Variants in RTN4 observed in about 807,000 individuals in gnomAD.
RTN4 encodes reticulon 4, also known as reticulon-4.
Under a neutral mutation model 90.4 loss-of-function variants are expected in RTN4, and 32 were observed. The ratio of observed to expected loss-of-function variants is 0.35; its 90% CI spans 0.27 to 0.48. RTN4 has a LOEUF of 0.48. Ranked by LOEUF, RTN4 falls within the 20% of genes least tolerant of loss-of-function variation. The pLI, the probability that RTN4 is intolerant of heterozygous loss-of-function variation, is 0.99. For synonymous variants in RTN4, 629 were observed against 552.5 expected, an observed-to-expected ratio of 1.14 and a Z score of -1.94; for missense variants, 1,706 against 1,430.2, an observed-to-expected ratio of 1.19 and a Z score of -3.11.
At position 55,089,562 on chromosome 2, in the gene RTN4, T is replaced by C. The variant is rs150595519; in HGVS notation, c.-213-8923A>G. 2.2e-4 allele frequency among the ~76,000 whole-genome samples: 33 copies of C among 152,364 alleles called. No homozygotes were observed. The East Asian group carries it at 6.4e-3, about 29-fold the overall frequency. ...AATTACGGAAAAATCTGTCTCCTTG[T>C]CTGGATGTACTTAAAATTCAGCGTT... On this transcript the variant is annotated intron_variant, in intron 1 of 3. Coordinates refer to the RTN4 transcript ENST00000427710.
chr2:55,073,539 T>C (rs1045440841), intron 2 of RTN4, among the ~76,000 whole-genome samples: 2 of 152,214 alleles, frequency 1.3e-5, no homozygotes, highest in African/African-American at 2.4e-5. Context: ...CCCAGTATCT[T>C]TGGGAAGCAA....
At chr2:55,004,242 A>G (rs575014839) in intron 3 of RTN4, among the ~76,000 whole-genome samples, 4 of 152,350 alleles carry the variant, frequency 2.6e-5, no homozygotes, top group Admixed American at 6.5e-5. Context: ...ACGACATTCA[A>G]TAACATGCCA....
intron 2 of RTN4, among the ~76,000 whole-genome samples, chr2:55,058,829 G>A (rs1271349443): frequency 6.6e-6 from 1 of 151,950 alleles, no homozygotes; most frequent in Non-Finnish European, 1.5e-5. Context: ...AGTCAAAAAT[G>A]CAATTCTGGT....
chr2:55,048,292 T>A (rs1383226288), intron 1 of RTN4, among the ~76,000 whole-genome samples: 1 of 152,254 alleles, frequency 6.6e-6, no homozygotes, highest in African/African-American at 2.4e-5. Flanking sequence ...CATGTACTAC[T>A]GTACAACTTA....
At chr2:55,104,772 G>A (rs1667912654) in intron 1 of RTN4, among the ~76,000 whole-genome samples, 1 of 151,910 alleles carries the variant, frequency 6.6e-6, no homozygotes, top group Non-Finnish European at 1.5e-5. Context: ...TTAATAATGA[G>A]AAGTAGTATC....
intron 1 of RTN4, among the ~76,000 whole-genome samples, chr2:55,030,867 C>A (rs1169279160): frequency 1.3e-5 from 2 of 152,134 alleles, no homozygotes; most frequent in Non-Finnish European, 2.9e-5. Flanking sequence ...TAAATCGTCA[C>A]CCAGTAAATA....
At chr2:55,028,937 CT>C (rs1256424621) in intron 1 of RTN4, among the ~76,000 whole-genome samples, 1 of 152,174 alleles carries the variant, frequency 6.6e-6, no homozygotes, top group Non-Finnish European at 1.5e-5. Flanking sequence ...TCCTTAATCA[CT>C]GTATGTTACA....
chr2:54,985,787 G>T lies in RTN4; in HGVS notation c.3221+1704C>A, dbSNP rs1018677756. 2.6e-5 allele frequency among the ~76,000 whole-genome samples: 4 copies of T among 152,188 alleles called. No homozygotes were observed. In the East Asian group the frequency reaches 7.7e-4, roughly 29 times the overall value. Reference sequence around the variant, plus strand: ...TAAGTTTACCCATTAATATCAACTGGATCATGTTGTAGGTAGGTACATAGT... The same window carrying T: ...TAAGTTTACCCATTAATATCAACTGTATCATGTTGTAGGTAGGTACATAGT... On this transcript the variant is annotated intron_variant, in intron 4 of 8. Coordinates refer to ENST00000337526, the MANE Select transcript of RTN4 (RefSeq NM_020532.5).
intron 2 of RTN4, among the ~76,000 whole-genome samples, chr2:55,066,858 GT>G (rs1241982427): frequency 3.9e-5 from 6 of 152,028 alleles, no homozygotes; most frequent in Non-Finnish European, 8.8e-5. Flanking sequence ...ATAGTTCAAT[GT>G]CATACAATGA....
At chr2:54,982,004 G>C (rs149865106) in intron 5 of RTN4, among the ~76,000 whole-genome samples, 78 of 151,962 alleles carry the variant, frequency 5.1e-4, no homozygotes, top group African/African-American at 1.9e-3. Flanking sequence ...GCCCAGGCTG[G>C]AATGCAATGG....
intron 4 of RTN4, among the ~76,000 whole-genome samples, 158 bp from the exon 5 acceptor site, chr2:54,982,811 G>A (rs1023155902): frequency 6.6e-6 from 1 of 152,154 alleles, no homozygotes; most frequent in Non-Finnish European, 1.5e-5. Context: ...GCAGTAAGGG[G>A]TATTTCCTTG....
intron 1 of RTN4, among the ~76,000 whole-genome samples, chr2:55,099,381 T>C (rs562597996): frequency 6.6e-6 from 1 of 152,078 alleles, no homozygotes; most frequent in Non-Finnish European, 1.5e-5. Flanking sequence ...CCTTTGGCCA[T>C]TGGGAGCCTC....
chr2:55,025,653 G>A lies in RTN4; in HGVS notation c.2446C>T (p.Pro816Ser). ...SLDNTKDTLL[P>S]DEVSTLSKKE... Reference sequence around the variant, plus strand: ...TTGCTCAATGTTGAAACTTCATCAGGTAACAGGGTATCTTTTGTGTTATCT... The same window carrying A: ...TTGCTCAATGTTGAAACTTCATCAGATAACAGGGTATCTTTTGTGTTATCT... The change falls in exon 3 of 9, where the codon CCT (proline) becomes TCT (serine). Residue 816 changes from proline to serine, a missense_variant. Physicochemically the swap from Pro to Ser is moderately conservative, Grantham distance 74. Coordinates refer to ENST00000337526, the MANE Select transcript of RTN4 (RefSeq NM_020532.5). 6.2e-7 allele frequency: 1 copy of A among 1,613,764 alleles called. No homozygotes were observed. The highest frequency in any genetic ancestry group is 1.1e-5 in the South Asian group (1 of 91,074).
At chr2:54,991,024 C>T (rs1230893678) in intron 3 of RTN4, among the ~76,000 whole-genome samples, 2 of 152,002 alleles carry the variant, frequency 1.3e-5, no homozygotes, top group Admixed American at 6.6e-5. Context: ...CCTCATGATC[C>T]GCCCGCCTCG....
rs530921271 is a variant in RTN4, at chr2:54,972,795, C to CTTT, written c.*358_*360dup. 8.4e-4 allele frequency: 126 copies of CTTT among 150,022 alleles called. No individual in the cohort carries two copies. The highest frequency in any genetic ancestry group is 3.2e-3 in the African/African-American group (119 of 37,584). 9.3% of individuals were successfully genotyped at this position (150,022 alleles called of 1,614,324 possible). On this transcript the variant is annotated 3_prime_UTR_variant, in exon 9 of 9. Transcript: ENST00000337526. ...TACACAGTGCACAAACTGAAAAGGGCTTTTTTTTTTTTTTTTCTAGCTCCA... is the reference window on the plus strand; with the variant it reads ...TACACAGTGCACAAACTGAAAAGGGCTTTTTTTTTTTTTTTTTTTCTAGCTCCA...
chr2:55,009,224 C>T (rs6713935), intron 3 of RTN4, among the ~76,000 whole-genome samples: 28,046 of 151,798 alleles, frequency 0.18, 3,011 homozygotes, highest in African/African-American at 0.3. Context: ...AAATTGCTTA[C>T]GTAGAATGTC....
intron 1 of RTN4, among the ~76,000 whole-genome samples, chr2:55,109,920 T>C (rs1467127454): frequency 4.6e-5 from 7 of 152,018 alleles, no homozygotes; most frequent in Admixed American, 2.6e-4. Flanking sequence ...AAACTGTTTC[T>C]CTCTTCCAAA....
Position 55,000,576 on chromosome 2 carries a change from C to T in RTN4, c.3014-12878G>A, listed in dbSNP as rs17046578. On this transcript the variant is annotated intron_variant, in intron 3 of 8. Coordinates refer to ENST00000337526, the MANE Select transcript of RTN4 (RefSeq NM_020532.5). The stretch of plus-strand genomic sequence containing the variant: ...GGCACTGTGCTGAGTACATTGTATA[C>T]ATTACCTCGAATCCATAACAACTCT... Among the ~76,000 whole-genome samples, 882 of 152,244 alleles carry T rather than the reference C, an allele frequency of 5.8e-3. 26 individuals are homozygous for T. The highest frequency in any genetic ancestry group is 0.047 in the Admixed American group (724 of 15,288).
the RTN4 span, among the ~76,000 whole-genome samples, chr2:55,119,210 T>C: frequency 5.9e-5 from 9 of 152,352 alleles, no homozygotes; most frequent in South Asian, 1.7e-3. Flanking sequence ...AACGTTTTTT[T>C]CCTTATTCGT....
Sources: gnomAD v4.1 joint callset for allele counts (sites outside exome capture counted in the v4.1 genomes callset) on GRCh38, gnomAD v4.1.1 for gene constraint, MANE v1.5 for transcripts, NCBI Gene and HGNC (gene_info 2026-07-23, HGNC 2026-07-21) for gene names.